Variants in VTI1A observed in about 807,000 individuals in gnomAD.
VTI1A encodes vesicle transport through interaction with t-SNAREs homolog 1A.
In VTI1A, 22 loss-of-function variants were observed where a neutral mutation model predicts 34.9. The ratio of observed to expected loss-of-function variants is 0.63; its 90% confidence interval spans 0.45 to 0.90. The LOEUF is 0.90. VTI1A is among the 40% of genes least tolerant of loss of function. The pLI, the probability that VTI1A is intolerant of heterozygous loss-of-function variation, is 0.00. For missense variants in VTI1A, 268 were observed against 275.6 expected (o/e 0.97, Z 0.20); for synonymous variants, 87 against 97.3 (o/e 0.89, Z 0.62).
At chr10:112,760,445 A>G (rs2134006689) in intron 7 of VTI1A, among the ~76,000 whole-genome samples, 1 of 152,324 alleles carries the variant, frequency 6.6e-6, no homozygotes, top group African/African-American at 2.4e-5. Flanking sequence ...AGAAAGCGAA[A>G]CCATGGATAA....
At chr10:112,765,684 T>C (rs913493745) in intron 7 of VTI1A, among the ~76,000 whole-genome samples, 1 of 152,120 alleles carries the variant, frequency 6.6e-6, no homozygotes. Context: ...ATCGCACAAA[T>C]TTGAAAGTAA....
the VTI1A span, among the ~76,000 whole-genome samples, chr10:112,842,037 CTTTTTTTTTTTTCCTTTTTTTTTTTT>C: frequency 5.0e-5 from 2 of 39,904 alleles, no homozygotes; most frequent in Non-Finnish European, 1.2e-4. Flanking sequence ...GAGTTCTTTT[CTTTTTTTTTTTTCCTTTTTTTTTTTT>C]TTTTTTTTTT....
chr10:112,466,788 TGG>T lies in VTI1A; in HGVS notation c.264+2133_264+2134del, dbSNP rs568126028. Among the ~76,000 whole-genome samples, 16 of 152,060 alleles carry T rather than the reference TGG, an allele frequency of 1.1e-4. No individual in the cohort carries two copies. In the East Asian group the frequency reaches 3.1e-3, roughly 29 times the overall value. Reference sequence around the variant, plus strand: ...GCTGTGACAACAAAGTACCACAGACTGGGTGGCTTAAACAACAGAAATTTGTT... The same window carrying T: ...GCTGTGACAACAAAGTACCACAGACTGTGGCTTAAACAACAGAAATTTGTT... On this transcript the variant is annotated intron_variant, in intron 3 of 7. Transcript: ENST00000393077.
At chr10:112,729,728 A>T (rs1850180092) in intron 7 of VTI1A, among the ~76,000 whole-genome samples, 1 of 152,180 alleles carries the variant, frequency 6.6e-6, no homozygotes, top group Admixed American at 6.5e-5. Context: ...GTTGATGGGG[A>T]TATGAAGCAA....
intron 5 of VTI1A, among the ~76,000 whole-genome samples, chr10:112,655,039 T>G (rs1255558554): frequency 1.3e-5 from 2 of 152,140 alleles, no homozygotes; most frequent in African/African-American, 4.8e-5. Context: ...TTGCCAACCC[T>G]TACAGTAAAA....
chr10:112,563,320 C>A (rs1310645927), intron 5 of VTI1A, among the ~76,000 whole-genome samples: 1 of 152,100 alleles, frequency 6.6e-6, no homozygotes, highest in Non-Finnish European at 1.5e-5. Flanking sequence ...AGACTATAAC[C>A]CACATAGTAC....
the VTI1A span, among the ~76,000 whole-genome samples, chr10:112,843,410 A>G: frequency 3.3e-5 from 5 of 152,232 alleles, no homozygotes; most frequent in African/African-American, 9.6e-5. Flanking sequence ...TTGAGGCTGT[A>G]TATAGGATGA....
At position 112,461,170 on chromosome 10, in the gene VTI1A, C is replaced by G. The variant is rs552767659; in HGVS notation, c.153+588C>G. Reference sequence around the variant, plus strand: ...TGAATTCCCACAGTGGTGATGCAGGCAGGCCTAGATGTATGCTTACAACAG... The same window carrying G: ...TGAATTCCCACAGTGGTGATGCAGGGAGGCCTAGATGTATGCTTACAACAG... On this transcript the variant is annotated intron_variant, in intron 2 of 7. Transcript: ENST00000393077. Among the ~76,000 whole-genome samples, 240 of 152,314 alleles carry G rather than the reference C, an allele frequency of 1.6e-3. 1 individual carries two copies. The highest frequency in any genetic ancestry group is 5.5e-3 in the African/African-American group (229 of 41,566).
rs141431009 is a variant in VTI1A at position 112,580,887 on chromosome 10, C to T, written c.427+42557C>T. On this transcript the variant is annotated intron_variant, in intron 5 of 7. Transcript: ENST00000393077. ...AATATAGAATATTTAGGAATAACTA[C>T]GTACTGGAATTACGAATGTACATGT... Among the ~76,000 whole-genome samples, 46 of 152,262 alleles carry T rather than the reference C, an allele frequency of 3.0e-4. No homozygotes were observed. In the East Asian group the frequency reaches 5.2e-3, roughly 17 times the overall value.
At chr10:112,593,756 A>C (rs1395770380) in intron 5 of VTI1A, among the ~76,000 whole-genome samples, 1 of 151,728 alleles carries the variant, frequency 6.6e-6, no homozygotes, top group South Asian at 2.1e-4. Flanking sequence ...ATTTTTTTTG[A>C]GACGGAGTCT....
the VTI1A span, among the ~76,000 whole-genome samples, chr10:112,849,928 T>G: frequency 6.6e-6 from 1 of 151,982 alleles, no homozygotes; most frequent in East Asian, 1.9e-4. Flanking sequence ...AGGGGAGAGC[T>G]GGGAAGGGGT....
chr10:112,512,733 TA>T (rs927432516), intron 3 of VTI1A, among the ~76,000 whole-genome samples: 1 of 152,128 alleles, frequency 6.6e-6, no homozygotes, highest in African/African-American at 2.4e-5. Context: ...TGGTGAGAGA[TA>T]GGGGTACAGT....
At chr10:112,692,436 A>T (rs1590076254) in intron 7 of VTI1A, among the ~76,000 whole-genome samples, 1 of 152,188 alleles carries the variant, frequency 6.6e-6, no homozygotes, top group South Asian at 2.1e-4. Context: ...CTTTCATGGC[A>T]TCTTACTTCA....
chr10:112,768,182 C>T (rs1423308610), intron 7 of VTI1A, among the ~76,000 whole-genome samples: 2 of 152,162 alleles, frequency 1.3e-5, no homozygotes, highest in African/African-American at 2.4e-5. Flanking sequence ...AAACAAATTG[C>T]ATGACGAGTG....
chr10:112,490,580 C>G (rs918525285), intron 3 of VTI1A, among the ~76,000 whole-genome samples: 1 of 148,956 alleles, frequency 6.7e-6, no homozygotes, highest in African/African-American at 2.5e-5. Flanking sequence ...GCTGCAGATT[C>G]TTAGTCTATA....
At chr10:112,492,806 A>C (rs1039371581) in intron 3 of VTI1A, among the ~76,000 whole-genome samples, 1 of 151,918 alleles carries the variant, frequency 6.6e-6, no homozygotes, top group African/African-American at 2.4e-5. Flanking sequence ...AAATTGATTG[A>C]GTTATAATTC....
At chr10:112,831,116 A>G in the VTI1A span, 1 of 151,448 alleles carries the variant, frequency 6.6e-6, no homozygotes, top group African/African-American at 2.4e-5. Context: ...TTATTTCTCC[A>G]TTGTTTGGTG....
intron 3 of VTI1A, among the ~76,000 whole-genome samples, chr10:112,468,721 T>C (rs1847984518): frequency 6.6e-6 from 1 of 152,188 alleles, no homozygotes; most frequent in Non-Finnish European, 1.5e-5. Context: ...TCCTGTTCCT[T>C]CCATGGCTGC....
chr10:112,707,710 A>G (rs1164002677), intron 7 of VTI1A, among the ~76,000 whole-genome samples: 1 of 152,152 alleles, frequency 6.6e-6, no homozygotes, highest in Non-Finnish European at 1.5e-5. Flanking sequence ...TGAATGTTTT[A>G]TTGGCATTTA....
Sources: allele counts gnomAD v4.1 joint callset (sites outside exome capture counted in the v4.1 genomes callset), GRCh38; gene constraint gnomAD v4.1.1; transcripts MANE v1.5; gene names NCBI Gene and HGNC (gene_info 2026-07-23, HGNC 2026-07-21).